The following MED12L variants were observed in gnomAD, a reference collection of about 807,000 sequenced individuals.
MED12L encodes mediator of RNA polymerase II transcription subunit 12-like protein.
A neutral mutation model predicts 281.3 loss-of-function variants in MED12L; 60 were observed. The observed-to-expected ratio is 0.21, with a 90% CI of 0.17 to 0.26. The LOEUF (loss-of-function observed/expected upper bound fraction) is 0.26. Among genes scored for constraint, MED12L ranks in the 10% least tolerant of loss-of-function variants. The probability of loss-of-function intolerance (pLI) is 1.00; values close to 1 mark genes in which losing one functional copy is unlikely to be tolerated. For missense variants in MED12L, 2,146 were observed against 2,680.9 expected, an observed-to-expected ratio of 0.80 and a Z score of 4.41; for synonymous variants, 974 against 987.2, an observed-to-expected ratio of 0.99 and a Z score of 0.25.
At chr3:151,279,944 A>G (rs980420226) in intron 16 of MED12L, among the ~76,000 whole-genome samples, 1 of 152,140 alleles carries the variant, frequency 6.6e-6, no homozygotes, top group Non-Finnish European at 1.5e-5. Context: ...GGTGTTTCAC[A>G]TAGATGTTAT....
At chr3:151,312,023 C>G (rs187761080) in intron 16 of MED12L, among the ~76,000 whole-genome samples, 4 of 143,662 alleles carry the variant, frequency 2.8e-5, no homozygotes, top group Non-Finnish European at 4.5e-5. Flanking sequence ...GCCTGGGTGA[C>G]AAAGCGAGAC....
At chr3:151,393,977 G>T (rs1471825766) in intron 38 of MED12L, among the ~76,000 whole-genome samples, 1 of 152,038 alleles carries the variant, frequency 6.6e-6, no homozygotes, top group Admixed American at 6.5e-5. Context: ...AGCAAATGTC[G>T]ACTTTTTTTT....
chr3:151,365,774 G>T, intron 22 of MED12L, 76 bp from the exon 23 acceptor site: 1 of 1,250,874 alleles, frequency 8.0e-7, no homozygotes, highest in Non-Finnish European at 1.1e-6. Context: ...TGAAATATAT[G>T]TTAATTAAGT....
intron 16 of MED12L, among the ~76,000 whole-genome samples, chr3:151,299,356 C>CCTTCTTTTCTTTTCT (rs1745553880): frequency 1.1e-5 from 1 of 94,352 alleles, no homozygotes; most frequent in African/African-American, 4.0e-5. Context: ...TTCCTTCCTT[C>CCTTCTTTTCTTTTCT]TTTCTTTTCT....
At chr3:151,218,728 G>T (rs1419301410) in intron 16 of MED12L, among the ~76,000 whole-genome samples, 1 of 151,672 alleles carries the variant, frequency 6.6e-6, no homozygotes, top group Non-Finnish European at 1.5e-5. Context: ...TTAGCCAGGT[G>T]TGGTGGCATA....
chr3:151,197,752 T>C (rs1336327968), intron 16 of MED12L: 1 of 152,662 alleles, frequency 6.6e-6, no homozygotes, highest in African/African-American at 2.4e-5. Context: ...AGTCACTAAA[T>C]GTATTATTAC....
At chr3:151,287,016 C>T (rs1273908426) in intron 16 of MED12L, among the ~76,000 whole-genome samples, 1 of 152,104 alleles carries the variant, frequency 6.6e-6, no homozygotes, top group Non-Finnish European at 1.5e-5. Context: ...TAATTAGGGG[C>T]AATGCTAGTA....
chr3:151,285,824 C>A (rs1461850091), intron 16 of MED12L, among the ~76,000 whole-genome samples: 1 of 152,090 alleles, frequency 6.6e-6, no homozygotes, highest in Non-Finnish European at 1.5e-5. Context: ...TAAAAGAGGC[C>A]CTTTGACCTT....
At chr3:151,294,519 G>C in intron 16 of MED12L, 4 of 1,614,162 alleles carry the variant, frequency 2.5e-6, no homozygotes, top group Non-Finnish European at 3.4e-6. Context: ...CGGCTTGACT[G>C]ACTTATGAAT....
intron 17 of MED12L, among the ~76,000 whole-genome samples, chr3:151,354,163 A>AAAAAAAAAC (rs1753634897): frequency 6.7e-6 from 1 of 150,060 alleles, no homozygotes; most frequent in Non-Finnish European, 1.5e-5. Flanking sequence ...AAAAAAAAAA[A>AAAAAAAAAC]AGAATCACAG....
chr3:151,304,356 C>A (rs1746353571), intron 16 of MED12L, among the ~76,000 whole-genome samples: 1 of 152,108 alleles, frequency 6.6e-6, no homozygotes, highest in African/African-American at 2.4e-5. Flanking sequence ...GGTGGATCAC[C>A]TGAGGTCAGG....
At chr3:151,300,024 T>G (rs746949740) in intron 16 of MED12L, 3 of 1,346,204 alleles carry the variant, frequency 2.2e-6, no homozygotes, top group Non-Finnish European at 3.2e-6. Flanking sequence ...ATAATAGTCA[T>G]CAATAAAGTA....
At chr3:151,122,250 T>A (rs1198347612) in intron 3 of MED12L, among the ~76,000 whole-genome samples, 1 of 152,252 alleles carries the variant, frequency 6.6e-6, no homozygotes, top group African/African-American at 2.4e-5. Context: ...CCAAATTTAA[T>A]TGAACCTTTT....
At chr3:151,187,465 T>C (rs887864271) in intron 12 of MED12L, among the ~76,000 whole-genome samples, 1 of 152,226 alleles carries the variant, frequency 6.6e-6, no homozygotes. Flanking sequence ...TGATTTTTTG[T>C]TAAACATCAC....
At chr3:151,228,663 G>A (rs138118717) in intron 16 of MED12L, among the ~76,000 whole-genome samples, 109 of 152,196 alleles carry the variant, frequency 7.2e-4, no homozygotes, top group Non-Finnish European at 1.3e-3. Flanking sequence ...ACAACAGAGT[G>A]TATGTATGAA....
Position 151,387,835 on chromosome 3 carries a change from A to T in MED12L, c.5114A>T (p.Lys1705Met). Residue 1705 changes from lysine (K) to methionine (M), a missense_variant, in exon 37 of 45, where the codon AAG (lysine) becomes ATG (methionine). Physicochemically the swap from Lys to Met is moderately conservative, Grantham distance 95 (BLOSUM62 -1). Coordinates refer to ENST00000687756, the MANE Select transcript of MED12L (RefSeq NM_001393769.1). Reference sequence around the variant, plus strand: ...GGTCTCCAGGTCTCTACGAAGCAGAAGGTGTCCCCGTGGGACTTGTTTGAG... The same window carrying T: ...GGTCTCCAGGTCTCTACGAAGCAGATGGTGTCCCCGTGGGACTTGTTTGAG... ...KQGLQVSTKQ[K>M]VSPWDLFEGQ... 2.5e-6 allele frequency: 4 copies of T among 1,613,636 alleles called. No homozygotes were observed. Among genetic ancestry groups the T allele is most frequent in the Non-Finnish European group, 3.4e-6 (4 of 1,179,688 alleles).
chr3:151,130,280 G>C (rs1268705754), intron 5 of MED12L, among the ~76,000 whole-genome samples: 1 of 151,936 alleles, frequency 6.6e-6, no homozygotes, highest in East Asian at 1.9e-4. Context: ...ATGGGTAAGG[G>C]TAAGAGCCAA....
At position 151,156,284 on chromosome 3, in the gene MED12L, T is replaced by A; in HGVS notation, c.680T>A (p.Met227Lys). The A allele has an allele frequency of 6.2e-7, 1 of 1,612,948 alleles. No homozygotes were observed. Among genetic ancestry groups the A allele is most frequent in the Non-Finnish European group, 8.5e-7 (1 of 1,179,584 alleles). ...VPVPPEVEQA[M>K]KQWEYNEKLA... ...GTGCCACCAGAGGTGGAGCAAGCCA[T>A]GAAGCAATGGGAATACAACGAAAAG... is the stretch of plus-strand genomic sequence containing the variant. The change falls in exon 6 of 45, where the codon ATG (methionine) becomes AAG (lysine). Residue 227 changes from methionine (M) to lysine (K), a missense_variant. Transcript: ENST00000687756.
chr3:151,243,477 C>A (rs1420472770), intron 16 of MED12L, among the ~76,000 whole-genome samples: 7 of 152,228 alleles, frequency 4.6e-5, no homozygotes, highest in African/African-American at 1.4e-4. Context: ...TTCTTAAAGA[C>A]AAGAATTTTC....
Sources: allele counts gnomAD v4.1 joint callset (sites outside exome capture counted in the v4.1 genomes callset), GRCh38; gene constraint gnomAD v4.1.1; transcripts MANE v1.5; gene names NCBI Gene and HGNC (gene_info 2026-07-23, HGNC 2026-07-21).